CSMD3: variants seen among roughly 807,000 people sequenced by gnomAD.
CSMD3 encodes the protein CUB and sushi domain-containing protein 3.
CSMD3 carries 177 observed loss-of-function variants against 435.2 expected under a neutral mutation model. That is an observed-to-expected ratio of 0.41 (90% CI 0.36 to 0.46). CSMD3 has a LOEUF of 0.46. CSMD3 is among the 20% of genes least tolerant of loss of function. The pLI, the probability that CSMD3 is intolerant of heterozygous loss-of-function variation, is 0.34. For missense variants in CSMD3, 4,265 were observed against 4,504.6 expected (o/e 0.95, Z 1.52); for synonymous variants, 1,656 against 1,520.5 (o/e 1.09, Z -2.07).
At chr8:112,576,835 C>CATATATATATATAT (rs5894088) in intron 23 of CSMD3, among the ~76,000 whole-genome samples, 15 of 71,604 alleles carry the variant, frequency 2.1e-4, no homozygotes, top group African/African-American at 5.3e-4. Flanking sequence ...AGGCAGCATA[C>CATATATATATATAT]ATATATATAT....
At chr8:113,102,888 A>G (rs1223211639) in intron 4 of CSMD3, among the ~76,000 whole-genome samples, 1 of 152,122 alleles carries the variant, frequency 6.6e-6, no homozygotes, top group Non-Finnish European at 1.5e-5. Flanking sequence ...GGGATGTGAC[A>G]TAATTGGATT....
At position 113,191,051 on chromosome 8, in the gene CSMD3, T is replaced by TG. The variant is rs972877658; in HGVS notation, c.515-17136dup. Among the ~76,000 whole-genome samples the TG allele has an allele frequency of 2.4e-4, 36 of 151,970 alleles. No individual in the cohort carries two copies. In the East Asian group the frequency reaches 5.8e-3, roughly 25 times the overall value. On this transcript the variant is annotated intron_variant, in intron 3 of 70. Coordinates refer to ENST00000297405, the MANE Select transcript of CSMD3 (RefSeq NM_198123.2). ...TGTTTCTATTACTAGAAAGTGTTCTTGATATTAGATTCAACTTTCTTCTTA... is the reference window on the plus strand; with the variant it reads ...TGTTTCTATTACTAGAAAGTGTTCTTGGATATTAGATTCAACTTTCTTCTTA...
rs1272275846 is a variant in CSMD3 at position 112,638,680 on chromosome 8, T to C, written c.3526+16A>G. The C allele has an allele frequency of 4.0e-6, 6 of 1,486,454 alleles. No homozygotes were observed. The highest frequency in any genetic ancestry group is 4.7e-6 in the Non-Finnish European group (5 of 1,065,158). The allele number at this position is 1,486,454 out of a possible 1,614,324, so 92.1% of individuals were successfully genotyped here. Reference sequence around the variant, plus strand: ...AAAAGTTACTGAATGAGCCCTTTTGTTTTTTATTTTCTCACCAGAGAATGT... The same window carrying C: ...AAAAGTTACTGAATGAGCCCTTTTGCTTTTTATTTTCTCACCAGAGAATGT... On this transcript the variant is annotated intron_variant, in intron 21 of 70. Coordinates refer to ENST00000297405, the MANE Select transcript of CSMD3 (RefSeq NM_198123.2).
At chr8:112,270,361 T>TGTGTGTGTGTGTGTGTTAGGGGTGA (rs1554623010) in intron 59 of CSMD3, among the ~76,000 whole-genome samples, 39 of 135,688 alleles carry the variant, frequency 2.9e-4, no homozygotes, top group Admixed American at 8.5e-4. Flanking sequence ...TGTGTGTGTG[T>TGTGTGTGTGTGTGTGTTAGGGGTGA]GTGTGTGTGT....
At chr8:112,270,145 A>G (rs1378258116) in intron 59 of CSMD3, among the ~76,000 whole-genome samples, 3 of 152,170 alleles carry the variant, frequency 2.0e-5, no homozygotes, top group Non-Finnish European at 4.4e-5. Context: ...CAGCAGGTAG[A>G]ATTTAGATGA....
At chr8:113,371,107 A>T (rs2094343877) in intron 1 of CSMD3, among the ~76,000 whole-genome samples, 1 of 152,088 alleles carries the variant, frequency 6.6e-6, no homozygotes, top group Non-Finnish European at 1.5e-5. Flanking sequence ...AGTAATTTTC[A>T]CAAAATGTAT....
At chr8:112,763,779 T>C (rs1176235064) in intron 13 of CSMD3, among the ~76,000 whole-genome samples, 3 of 151,054 alleles carry the variant, frequency 2.0e-5, no homozygotes, top group African/African-American at 4.8e-5. Flanking sequence ...CTCTGTTTCA[T>C]GTGGGCACTA....
At chr8:113,428,838 A>G (rs1513527) in intron 1 of CSMD3, among the ~76,000 whole-genome samples, 81,048 of 151,562 alleles carry the variant, frequency 0.53, 22,025 homozygotes, top group Admixed American at 0.68. Flanking sequence ...CTACTTTTAT[A>G]GAGTCTGTTT....
At chr8:113,024,043 T>G (rs2086783879) in intron 5 of CSMD3, among the ~76,000 whole-genome samples, 1 of 152,126 alleles carries the variant, frequency 6.6e-6, no homozygotes, top group South Asian at 2.1e-4. Flanking sequence ...AGCTATAAAT[T>G]TATACCCATT....
At chr8:112,475,343 G>A (rs1818939516) in intron 31 of CSMD3, among the ~76,000 whole-genome samples, 1 of 152,036 alleles carries the variant, frequency 6.6e-6, no homozygotes, top group African/African-American at 2.4e-5. Context: ...TTAGAAATAT[G>A]AAGGCTCTTT....
chr8:112,472,711 G>C lies in CSMD3; in HGVS notation c.5279-4C>G. 3 of 1,526,012 alleles carry C rather than the reference G, an allele frequency of 2.0e-6. No homozygotes were observed. Among genetic ancestry groups the C allele is most frequent in the Non-Finnish European group, 2.7e-6 (3 of 1,099,828 alleles). The allele number at this position is 1,526,012 out of a possible 1,614,324, so 94.5% of individuals were successfully genotyped here. On this transcript the variant is annotated splice_region_variant and splice_polypyrimidine_tract_variant and intron_variant, in intron 31 of 70. Transcript: ENST00000297405. ...GTTGAACGACTTCCACAGGGCGCTAGGAAAAAATGGCAAAAATATCATTTT... is the reference window on the plus strand; with the variant it reads ...GTTGAACGACTTCCACAGGGCGCTACGAAAAAATGGCAAAAATATCATTTT...
At chr8:112,657,720 C>G (rs575583878) in intron 17 of CSMD3, among the ~76,000 whole-genome samples, 168 of 152,242 alleles carry the variant, frequency 1.1e-3, no homozygotes, top group African/African-American at 3.9e-3. Flanking sequence ...GATCTTGAAG[C>G]CTCGAAAATT....
chr8:112,730,028 T>C (rs2077043008), intron 13 of CSMD3, among the ~76,000 whole-genome samples: 1 of 152,132 alleles, frequency 6.6e-6, no homozygotes, highest in Non-Finnish European at 1.5e-5. Flanking sequence ...GTTATAAATC[T>C]GAAGTACAAT....
At chr8:113,231,631 A>C (rs2093088326) in intron 3 of CSMD3, among the ~76,000 whole-genome samples, 1 of 151,520 alleles carries the variant, frequency 6.6e-6, no homozygotes, top group African/African-American at 2.4e-5. Flanking sequence ...TTTACTGATA[A>C]TCTAAGTCCT....
intron 1 of CSMD3, among the ~76,000 whole-genome samples, chr8:113,331,594 G>C (rs933909049): frequency 1.3e-5 from 2 of 151,540 alleles, no homozygotes; most frequent in African/African-American, 4.8e-5. Flanking sequence ...ATAACCAAAT[G>C]AGATTTACCC....
chr8:113,344,956 G>A (rs1404494886), intron 1 of CSMD3, among the ~76,000 whole-genome samples: 2 of 151,956 alleles, frequency 1.3e-5, no homozygotes, highest in Non-Finnish European at 2.9e-5. Flanking sequence ...CTTTTGCTGT[G>A]TTGTAGTATT....
intron 10 of CSMD3, among the ~76,000 whole-genome samples, chr8:112,893,042 T>TTGC (rs1184683291): frequency 6.6e-6 from 1 of 151,194 alleles, no homozygotes; most frequent in Admixed American, 6.6e-5. Context: ...AGTACTGCTG[T>TTGC]TGCTGCTGCT....
At chr8:112,921,511 A>G in intron 10 of CSMD3, 116 bp downstream of exon 10, 1 of 920,630 alleles carries the variant, frequency 1.1e-6, no homozygotes, top group Non-Finnish European at 1.8e-6. Flanking sequence ...ATATATGAGC[A>G]CAATCTTTCC....
At chr8:112,869,255 G>A (rs1200670553) in intron 10 of CSMD3, among the ~76,000 whole-genome samples, 1 of 152,118 alleles carries the variant, frequency 6.6e-6, no homozygotes, top group African/African-American at 2.4e-5. Flanking sequence ...AATTCTGTTG[G>A]TTGAATGAGA....
Sources: gnomAD v4.1 joint callset for allele counts (sites outside exome capture counted in the v4.1 genomes callset) on GRCh38, gnomAD v4.1.1 for gene constraint, MANE v1.5 for transcripts, NCBI Gene and HGNC (gene_info 2026-07-23, HGNC 2026-07-21) for gene names.